Variants in ST18 observed in about 807,000 individuals in gnomAD.
The protein encoded by ST18 is ST18 C2H2C-type zinc finger transcription factor.
A neutral mutation model predicts 110.0 loss-of-function variants in ST18; 50 were observed. That is an observed-to-expected ratio of 0.45 (90% confidence interval 0.36 to 0.58). The LOEUF is 0.58. ST18 is among the 20% of genes least tolerant of loss of function. The pLI is 0.00. For missense variants in ST18, 1,306 were observed against 1,280.1 expected (o/e 1.02, Z -0.31); for synonymous variants, 461 against 452.4 (o/e 1.02, Z -0.24).
At chr8:52,171,580 T>C (rs974490820) in intron 10 of ST18, 2 of 672,876 alleles carry the variant, frequency 3.0e-6, no homozygotes, top group African/African-American at 1.8e-5. Flanking sequence ...TTTTTTCATG[T>C]GTGAAAATAG....
intron 9 of ST18, among the ~76,000 whole-genome samples, chr8:52,174,840 C>A (rs528922262): frequency 3.9e-5 from 6 of 152,204 alleles, no homozygotes; most frequent in Non-Finnish European, 7.3e-5. Context: ...ATTCCACCCC[C>A]CTCCCAGGCT....
chr8:52,302,412 C>T (rs1335754133), intron 2 of ST18, among the ~76,000 whole-genome samples: 1 of 152,032 alleles, frequency 6.6e-6, no homozygotes, highest in Non-Finnish European at 1.5e-5. Flanking sequence ...ACATGCATGC[C>T]TGTATTTATG....
chr8:52,205,509 A>G (rs2079640079), intron 8 of ST18, among the ~76,000 whole-genome samples: 1 of 152,234 alleles, frequency 6.6e-6, no homozygotes, highest in East Asian at 1.9e-4. Flanking sequence ...CTAGGAAACA[A>G]TTTAGAAGGA....
intron 2 of ST18, among the ~76,000 whole-genome samples, chr8:52,348,230 C>T (rs532984316): frequency 2.6e-5 from 4 of 152,194 alleles, no homozygotes; most frequent in African/African-American, 9.6e-5. Context: ...TTTACAAACC[C>T]CAGTTCTCTC....
At chr8:52,202,448 T>C (rs2078332840) in intron 8 of ST18, among the ~76,000 whole-genome samples, 1 of 152,258 alleles carries the variant, frequency 6.6e-6, no homozygotes, top group Non-Finnish European at 1.5e-5. Context: ...TTCCTTTTTT[T>C]ATTGTCTCCC....
intron 2 of ST18, among the ~76,000 whole-genome samples, chr8:52,357,718 TATATATATATATAA>T (rs1823683012): frequency 2.7e-5 from 2 of 74,794 alleles, no homozygotes; most frequent in Admixed American, 2.3e-4. Flanking sequence ...TATATATATA[TATATATATATATAA>T]AACAGACTCA....
intron 9 of ST18, among the ~76,000 whole-genome samples, chr8:52,174,304 T>A (rs1278024382): frequency 6.6e-6 from 1 of 152,240 alleles, no homozygotes. Flanking sequence ...AATATCACAG[T>A]TGGCTATTAA....
chr8:52,267,483 T>TAAAAA (rs57769643), intron 2 of ST18, among the ~76,000 whole-genome samples: 2 of 115,034 alleles, frequency 1.7e-5, no homozygotes, highest in Non-Finnish European at 3.5e-5. Flanking sequence ...AGAGATAAGC[T>TAAAAA]AAAAAAAAAA....
At chr8:52,337,695 T>C (rs11991846) in intron 2 of ST18, among the ~76,000 whole-genome samples, 141,627 of 152,270 alleles carry the variant, frequency 0.93, 66,735 homozygotes, top group East Asian at 1. Context: ...ACTGCCTTTA[T>C]TGCTGATAGA....
At chr8:52,360,806 T>A (rs1825397317) in intron 2 of ST18, among the ~76,000 whole-genome samples, 1 of 152,208 alleles carries the variant, frequency 6.6e-6, no homozygotes, top group Admixed American at 6.5e-5. Flanking sequence ...GTAAGTTTTT[T>A]GAGTTTTACA....
At position 52,180,132 on chromosome 8, in the gene ST18, G is replaced by A. The variant is rs1219378462; in HGVS notation, c.267C>T (p.His89=). ...TCTCCTCCTTGCTACCTGCGGTAGAGTGACCATGTGTTTCCAAGGGGCCAT... is the reference window on the plus strand; with the variant it reads ...TCTCCTCCTTGCTACCTGCGGTAGAATGACCATGTGTTTCCAAGGGGCCAT... ...EDDGPLETHG[H]STAEEIMIKP... The change falls in exon 9 of 26, where the codon CAC becomes CAT. Residue 89 remains histidine, a synonymous_variant. Transcript: ENST00000689386. The A allele has an allele frequency of 3.1e-6, 5 of 1,614,016 alleles. No individual in the cohort carries two copies. Among genetic ancestry groups the A allele is most frequent in the Non-Finnish European group, 4.2e-6 (5 of 1,180,016 alleles).
chr8:52,270,131 A>G (rs1366746934), intron 2 of ST18, among the ~76,000 whole-genome samples: 2 of 152,258 alleles, frequency 1.3e-5, no homozygotes, highest in Non-Finnish European at 2.9e-5. Context: ...TTATTTTCCT[A>G]CAGAATTTCT....
intron 23 of ST18, among the ~76,000 whole-genome samples, chr8:52,121,949 G>A (rs1040030634): frequency 5.9e-5 from 9 of 152,118 alleles, no homozygotes; most frequent in Non-Finnish European, 1.2e-4. Flanking sequence ...AGGTTCAAGC[G>A]ATTCTCCTGC....
intron 22 of ST18, 143 bp from the exon 23 acceptor site, chr8:52,126,283 G>A: frequency 1.3e-6 from 1 of 778,214 alleles, no homozygotes; most frequent in Non-Finnish European, 2.0e-6. Flanking sequence ...AGAGAGTAAT[G>A]AATACATACC....
In ST18 at chr8:52,189,523, T is replaced by C. The variant is rs543627661; in HGVS notation, c.87-9211A>G. ...AAAATCGATGATTCTTGGCTTTTTGTCTCTGGGCCTGAAGCAGTTCTTAAA... is the reference window on the plus strand; with the variant it reads ...AAAATCGATGATTCTTGGCTTTTTGCCTCTGGGCCTGAAGCAGTTCTTAAA... On this transcript the variant is annotated intron_variant, in intron 8 of 25. Coordinates refer to ENST00000689386, the MANE Select transcript of ST18 (RefSeq NM_001352837.2). Among the ~76,000 whole-genome samples the C allele has an allele frequency of 9.2e-5, 14 of 152,350 alleles. No homozygotes were observed. The East Asian group carries it at 2.7e-3, about 29-fold the overall frequency.
intron 3 of ST18, among the ~76,000 whole-genome samples, chr8:52,225,359 A>C (rs2088926200): frequency 6.6e-6 from 1 of 152,378 alleles, no homozygotes; most frequent in East Asian, 1.9e-4. Context: ...TGCATGCTGT[A>C]AACATTATAA....
chr8:52,113,194 G>T lies in ST18; in HGVS notation c.*4C>A. 1 of 1,613,778 alleles carries T rather than the reference G, an allele frequency of 6.2e-7. No homozygotes were observed. Among genetic ancestry groups the T allele is most frequent in the East Asian group, 2.2e-5 (1 of 44,882 alleles). On this transcript the variant is annotated 3_prime_UTR_variant, in exon 26 of 26. Coordinates refer to ENST00000689386, the MANE Select transcript of ST18 (RefSeq NM_001352837.2). The stretch of plus-strand genomic sequence containing the variant: ...AACTTCTGTTGCCCGGCAGCGCTGT[G>T]ATCCTACACATGGATACCCTTCACT...
chr8:52,174,515 T>C (rs1039985995), intron 9 of ST18, among the ~76,000 whole-genome samples: 4 of 152,202 alleles, frequency 2.6e-5, no homozygotes, highest in Non-Finnish European at 5.9e-5. Flanking sequence ...ACAAAAGCTC[T>C]AGAAAGCAAC....
intron 2 of ST18, among the ~76,000 whole-genome samples, chr8:52,399,325 CTT>C (rs1265324790): frequency 1.3e-5 from 2 of 151,022 alleles, no homozygotes; most frequent in Non-Finnish European, 3.0e-5. Flanking sequence ...AGTCTTGTCT[CTT>C]TTATTTCTTA....
Sources: allele counts gnomAD v4.1 joint callset (sites outside exome capture counted in the v4.1 genomes callset), GRCh38; gene constraint gnomAD v4.1.1; transcripts MANE v1.5; gene names NCBI Gene and HGNC (gene_info 2026-07-23, HGNC 2026-07-21).